EPHA5: variants seen among roughly 807,000 people sequenced by gnomAD.
The protein encoded by EPHA5 is ephrin type-A receptor 5.
Under a neutral mutation model 105.0 loss-of-function variants are expected in EPHA5, and 60 were observed. The ratio of observed to expected loss-of-function variants is 0.57; its 90% CI spans 0.46 to 0.71. The LOEUF is 0.71. Ranked by LOEUF, EPHA5 falls within the 30% of genes least tolerant of loss-of-function variation. EPHA5 has a pLI of 0.00. For missense variants in EPHA5, 1,218 were observed against 1,274.7 expected, an observed-to-expected ratio of 0.96 and a Z score of 0.68; for synonymous variants, 513 against 449.1, an observed-to-expected ratio of 1.14 and a Z score of -1.80.
chr4:65,359,627 C>T (rs904775661), intron 11 of EPHA5, among the ~76,000 whole-genome samples: 1 of 151,476 alleles, frequency 6.6e-6, no homozygotes, highest in African/African-American at 2.4e-5. Context: ...TACTTCACAT[C>T]CAATTCACAA....
chr4:65,644,222 C>G (rs1207493009), intron 1 of EPHA5, among the ~76,000 whole-genome samples: 1 of 151,552 alleles, frequency 6.6e-6, no homozygotes, highest in Non-Finnish European at 1.5e-5. Flanking sequence ...ACACACACCC[C>G]CATGCACACA....
intron 13 of EPHA5, among the ~76,000 whole-genome samples, chr4:65,350,277 G>T (rs904591213): frequency 6.6e-6 from 1 of 151,958 alleles, no homozygotes; most frequent in African/African-American, 2.4e-5. Context: ...TATTGATTAA[G>T]CTGACCACTG....
intron 5 of EPHA5, among the ~76,000 whole-genome samples, chr4:65,467,466 T>G (rs1335396306): frequency 6.6e-6 from 1 of 152,184 alleles, no homozygotes; most frequent in Non-Finnish European, 1.5e-5. Context: ...CAGTAGAAAG[T>G]AGTGCATGTA....
intron 3 of EPHA5, among the ~76,000 whole-genome samples, chr4:65,555,980 C>A (rs769879465): frequency 7.9e-5 from 12 of 152,078 alleles, no homozygotes; most frequent in Non-Finnish European, 1.3e-4. Flanking sequence ...CAAATAGTAG[C>A]CTTTCTTCAT....
intron 6 of EPHA5, among the ~76,000 whole-genome samples, chr4:65,416,643 T>C (rs17086224): frequency 0.073 from 11,046 of 152,214 alleles, 646 homozygotes; most frequent in African/African-American, 0.15. Context: ...CTCCTTGAAA[T>C]AAGGTGTGAT....
intron 2 of EPHA5, among the ~76,000 whole-genome samples, chr4:65,641,649 G>A (rs1024585529): frequency 6.6e-6 from 1 of 151,810 alleles, no homozygotes; most frequent in African/African-American, 2.4e-5. Flanking sequence ...CATAACACCT[G>A]AATCCCATAC....
At chr4:65,331,799 T>C in intron 16 of EPHA5, 174 bp downstream of exon 16, 11 of 1,268,886 alleles carry the variant, frequency 8.7e-6, no homozygotes, top group South Asian at 3.2e-5. Flanking sequence ...ACTGGCCACA[T>C]GTAGCATTAA....
chr4:65,463,745 T>C (rs1051229587), intron 5 of EPHA5, among the ~76,000 whole-genome samples: 7 of 152,110 alleles, frequency 4.6e-5, no homozygotes, highest in Non-Finnish European at 1.0e-4. Context: ...TGTCATGTAG[T>C]TATTTTTTTG....
chr4:65,638,610 A>T (rs1450652509), intron 2 of EPHA5, among the ~76,000 whole-genome samples: 1 of 152,136 alleles, frequency 6.6e-6, no homozygotes, highest in Non-Finnish European at 1.5e-5. Flanking sequence ...GTGGTGGCAC[A>T]TGCCTGTAAT....
intron 3 of EPHA5, among the ~76,000 whole-genome samples, chr4:65,527,002 A>G (rs1020223144): frequency 6.6e-6 from 1 of 152,072 alleles, no homozygotes; most frequent in Non-Finnish European, 1.5e-5. Flanking sequence ...TGTAGTTACC[A>G]TTTCAAATAA....
intron 8 of EPHA5, among the ~76,000 whole-genome samples, chr4:65,389,061 A>T (rs1720434527): frequency 1.3e-5 from 2 of 152,048 alleles, no homozygotes; most frequent in Non-Finnish European, 2.9e-5. Context: ...GTATGATTAC[A>T]TAGAAATTAA....
intron 8 of EPHA5, among the ~76,000 whole-genome samples, chr4:65,371,524 T>A (rs1718468279): frequency 1.3e-5 from 2 of 152,206 alleles, no homozygotes; most frequent in African/African-American, 4.8e-5. Flanking sequence ...TCATAATACA[T>A]GAAATAAAAA....
intron 1 of EPHA5, among the ~76,000 whole-genome samples, chr4:65,667,280 A>G (rs866905146): frequency 1.3e-5 from 2 of 152,250 alleles, no homozygotes; most frequent in Middle Eastern, 3.2e-3. Context: ...TATATTTCAC[A>G]GAGCAGAAAT....
intron 3 of EPHA5, among the ~76,000 whole-genome samples, chr4:65,581,137 C>A (rs1308314330): frequency 2.0e-5 from 3 of 151,780 alleles, no homozygotes; most frequent in Non-Finnish European, 4.4e-5. Flanking sequence ...TAGCCCACAA[C>A]AATTTGCTCC....
chr4:65,589,364 TAGTC>T (rs1742420578), intron 3 of EPHA5, among the ~76,000 whole-genome samples: 1 of 152,138 alleles, frequency 6.6e-6, no homozygotes, highest in Admixed American at 6.6e-5. Flanking sequence ...CTATTGCTGT[TAGTC>T]TGTGTGGGCC....
intron 8 of EPHA5, among the ~76,000 whole-genome samples, chr4:65,390,824 A>G (rs1219704325): frequency 1.3e-5 from 2 of 152,226 alleles, no homozygotes; most frequent in South Asian, 2.1e-4. Context: ...AGATTAAAAC[A>G]TTAGAGGAGA....
chr4:65,602,189 T>C lies in EPHA5; in HGVS notation c.362A>G (p.Glu121Gly), dbSNP rs763366282. 9.9e-6 allele frequency: 16 copies of C among 1,614,012 alleles called. No individual in the cohort carries two copies. Among genetic ancestry groups the C allele is most frequent in the Non-Finnish European group, 1.3e-5 (15 of 1,180,018 alleles). Residue 121 changes from glutamate (E) to glycine (G), a missense_variant, in exon 3 of 17, where the codon GAA becomes GGA. Glu to Gly is a moderately conservative substitution (Grantham distance 98). This residue lies in a region of EPHA5 where 233 missense variants were observed against 227.5 expected (regional missense o/e 1.02). Transcript: ENST00000613740. ...TTCTATGAAGATTCTGGAAGCACCTTCATTGGAGATCCAACTGGTCAAAAG... is the reference window on the plus strand; with the variant it reads ...TTCTATGAAGATTCTGGAAGCACCTCCATTGGAGATCCAACTGGTCAAAAG... ...NWLLTSWISN[E>G]GASRIFIELK...
intron 3 of EPHA5, among the ~76,000 whole-genome samples, chr4:65,564,908 C>A (rs13118781): frequency 6.6e-6 from 1 of 151,770 alleles, no homozygotes; most frequent in African/African-American, 2.4e-5. Flanking sequence ...TTTCAAAATA[C>A]TTTCACTGTT....
At chr4:65,465,467 AAAAGAAAGAAAG>A (rs749079632) in intron 5 of EPHA5, among the ~76,000 whole-genome samples, 57 of 75,052 alleles carry the variant, frequency 7.6e-4, no homozygotes, top group African/African-American at 2.1e-3. Context: ...AAAAGAAAGA[AAAAGAAAGAAAG>A]AAAGAAAGAA....
Sources: allele counts gnomAD v4.1 joint callset (sites outside exome capture counted in the v4.1 genomes callset), GRCh38; gene constraint gnomAD v4.1.1; regional missense constraint gnomAD v4.1.1; transcripts MANE v1.5; gene names NCBI Gene and HGNC (gene_info 2026-07-23, HGNC 2026-07-21).